Variants in DACT3 observed in about 807,000 individuals in gnomAD.
DACT3 encodes dishevelled binding antagonist of beta catenin 3, also known as dapper homolog 3.
DACT3 carries 5 observed loss-of-function variants against 19.6 expected under a neutral mutation model. The ratio of observed to expected loss-of-function variants is 0.26; its 90% CI spans 0.13 to 0.54. DACT3 has a LOEUF of 0.54. DACT3 is among the 20% of genes least tolerant of loss of function. The probability of loss-of-function intolerance (pLI) is 0.95; values close to 1 mark genes in which losing one functional copy is unlikely to be tolerated. For synonymous variants in DACT3, 454 were observed against 428.1 expected, an observed-to-expected ratio of 1.06 and a Z score of -0.75; for missense variants, 908 against 927.4, an observed-to-expected ratio of 0.98 and a Z score of 0.27.
At chr19:46,659,420 C>G in intron 1 of DACT3, 1 of 984,892 alleles carries the variant, frequency 1.0e-6, no homozygotes, top group Non-Finnish European at 1.2e-6. Context: ...CACAGCTACC[C>G]CAACCTCATG....
rs1186351147 is a variant in DACT3 at position 46,649,234 on chromosome 19, G to T, written c.1138C>A (p.Pro380Thr). 1.2e-5 allele frequency: 14 copies of T among 1,199,642 alleles called. No homozygotes were observed. The highest frequency in any genetic ancestry group is 1.3e-5 in the Non-Finnish European group (13 of 969,932). The allele number at this position is 1,199,642 out of a possible 1,614,324, so 74.3% of individuals were successfully genotyped here. Residue 380 changes from proline to threonine, a missense_variant, in exon 4 of 4, where the codon CCG (proline) becomes ACG (threonine). By Grantham distance (38) the Pro-to-Thr change is conservative. Transcript: ENST00000391916. ...LPGRAARRKP[P>T]PLTRGRSVEQ... ...ACGCTGCGGCCGCGGGTCAGTGGCG[G>T]CGGTTTGCGGCGGGCGGCGCGGCCA...
At chr19:46,658,365 C>G (rs946585102) in intron 1 of DACT3, among the ~76,000 whole-genome samples, 1 of 152,112 alleles carries the variant, frequency 6.6e-6, no homozygotes, top group Non-Finnish European at 1.5e-5. Context: ...TGCACTTCAG[C>G]CTGAGAGACT....
At chr19:46,654,794 A>G (rs1388094202) in intron 1 of DACT3, 4 of 985,592 alleles carry the variant, frequency 4.1e-6, no homozygotes, top group Non-Finnish European at 4.8e-6. Flanking sequence ...TAGGGCAGAA[A>G]GACTGGCCGG....
chr19:46,659,505 G>A, intron 1 of DACT3: 1 of 983,262 alleles, frequency 1.0e-6, no homozygotes, highest in Non-Finnish European at 1.2e-6. Flanking sequence ...GCTAGCGAAG[G>A]CCCCCACAAT....
Position 46,649,123 on chromosome 19 carries a change from T to C in DACT3, c.1249A>G (p.Arg417Gly), listed in dbSNP as rs1452933377. 32 of 1,278,548 alleles carry C rather than the reference T, an allele frequency of 2.5e-5. No homozygotes were observed. The highest frequency in any genetic ancestry group is 3.2e-5 in the Non-Finnish European group (32 of 1,014,556). 79.2% of individuals were successfully genotyped at this position (1,278,548 alleles called of 1,614,324 possible). Residue 417 changes from arginine to glycine, a missense_variant, in exon 4 of 4, where the codon AGG (arginine) becomes GGG (glycine). Physicochemically the swap from Arg to Gly is moderately radical, Grantham distance 125 (BLOSUM62 -2). Coordinates refer to ENST00000391916, the MANE Select transcript of DACT3 (RefSeq NM_145056.3). ...TGGGAGCGCGAGGCCTTGCGGGCCC[T>C]GGGCGAGCCGCGGCGGCCCGAAGCC... The part of the protein sequence containing the change: ...AEASGRRGSP[R>G]ARKASRSQSE...
At position 46,648,592 on chromosome 19, in the gene DACT3, C is replaced by A; in HGVS notation, c.1780G>T (p.Ala594Ser). The change falls in exon 4 of 4, where the codon GCG becomes TCG. Residue 594 changes from alanine (A) to serine (S), a missense_variant. Physicochemically the swap from Ala to Ser is moderately conservative, Grantham distance 99. Coordinates refer to ENST00000391916, the MANE Select transcript of DACT3 (RefSeq NM_145056.3). The surrounding 1 kb of genome is among the most constrained non-coding windows in gnomAD (Gnocchi z 5.1). ...AAGACTTTGGCGGGGCCTGCGGGCG[C>A]CCCTGCACCTGCTCCACCCCCAGAG... is the stretch of plus-strand genomic sequence containing the variant. The part of the protein sequence containing the change: ...AASGGGAGAG[A>S]PAGPAKVFVK... 2 of 1,613,554 alleles carry A rather than the reference C, an allele frequency of 1.2e-6. No homozygotes were observed. The highest frequency in any genetic ancestry group is 1.7e-6 in the Non-Finnish European group (2 of 1,179,768).
At position 46,648,331 on chromosome 19, in the gene DACT3, T is replaced by C; in HGVS notation, c.*151A>G. 1 of 1,359,264 alleles carries C rather than the reference T, an allele frequency of 7.4e-7. No homozygotes were observed. The highest frequency in any genetic ancestry group is 1.0e-6 in the Non-Finnish European group (1 of 997,328). 84.2% of individuals were successfully genotyped at this position (1,359,264 alleles called of 1,614,324 possible). A position where few individuals can be genotyped will look rare whatever the true frequency, so the allele number is the denominator to read the frequency against. On this transcript the variant is annotated 3_prime_UTR_variant, in exon 4 of 4. Transcript: ENST00000391916. This position sits in a 1 kb window ranked among gnomAD's most constrained non-coding sequence, Gnocchi z 5.1. ...TCTCGGTGGTGGTGGGGGAGCCTTT[T>C]CAACCAAGACTGTTAGGAGTGGGGA... is the stretch of plus-strand genomic sequence containing the variant.
In DACT3 at chr19:46,649,134, C is replaced by T. The variant is rs928242049; in HGVS notation, c.1238G>A (p.Arg413His). The change falls in exon 4 of 4, where the codon CGC becomes CAC. Residue 413 changes from arginine (R) to histidine (H), a missense_variant. Arg to His is a conservative substitution (Grantham distance 29). Transcript: ENST00000391916. ...RGRMAEASGR[R>H]GSPRARKASR... ...GGCCTTGCGGGCCCTGGGCGAGCCG[C>T]GGCGGCCCGAAGCCTCGGCCATGCG... The T allele has an allele frequency of 8.7e-6, 11 of 1,267,452 alleles. No individual in the cohort carries two copies. In the African/African-American group the frequency reaches 1.3e-4, roughly 15 times the overall value. 78.5% of individuals were successfully genotyped at this position (1,267,452 alleles called of 1,614,324 possible).
intron 3 of DACT3, 26 bp downstream of exon 3, chr19:46,652,634 C>T (rs772732694): frequency 6.5e-6 from 10 of 1,548,050 alleles, no homozygotes; most frequent in African/African-American, 1.4e-5. Context: ...TCCCTGGCCC[C>T]AGGGCCCCAC....
rs1332922927 is a variant in DACT3, at chr19:46,660,983, A to G, written c.82T>C (p.Cys28Arg). 6.5e-7 allele frequency: 1 copy of G among 1,539,314 alleles called. No homozygotes were observed. Among genetic ancestry groups the G allele is most frequent in the Non-Finnish European group, 8.7e-7 (1 of 1,145,662 alleles). The change falls in exon 1 of 4, where the codon TGC becomes CGC. Residue 28 changes from cysteine (C) to arginine (R), a missense_variant. Transcript: ENST00000391916. This position sits in a 1 kb window ranked among gnomAD's most constrained non-coding sequence, Gnocchi z 4.9. ...GWLEGSLAGL[C>R]ELHWLRERQE... ...CTCTCCCGGAGCCAATGTAACTCGCAGAGCCCGGCCAGGCTACCCTCCAGC... is the reference window on the plus strand; with the variant it reads ...CTCTCCCGGAGCCAATGTAACTCGCGGAGCCCGGCCAGGCTACCCTCCAGC...
rs1262110664 is a variant in DACT3, at chr19:46,655,842, C to T, written c.250-2767G>A. 2.7e-5 allele frequency among the ~76,000 whole-genome samples: 4 copies of T among 150,548 alleles called. No homozygotes were observed. The South Asian group carries it at 6.3e-4, about 24-fold the overall frequency. ...TCCCAGCACTCTGGAAGTGCCAAGG[C>T]GGGAGGATCGCTGGAGGCCGAGAGT... On this transcript the variant is annotated intron_variant, in intron 1 of 3. Transcript: ENST00000391916.
Position 46,661,156 on chromosome 19 carries a change from G to A in DACT3, c.-92C>T. 3.2e-6 allele frequency: 4 copies of A among 1,250,096 alleles called. No individual in the cohort carries two copies. The highest frequency in any genetic ancestry group is 4.1e-6 in the Non-Finnish European group (4 of 983,070). 77.4% of individuals were successfully genotyped at this position (1,250,096 alleles called of 1,614,324 possible). A position where few individuals can be genotyped will look rare whatever the true frequency, so the allele number is the denominator to read the frequency against. ...GCCCCAGCAGCCTGCCCGCCCGCCC[G>A]CTGGCCGGGCTGTCACCGTCTCATC... On this transcript the variant is annotated 5_prime_UTR_variant, in exon 1 of 4. Coordinates refer to ENST00000391916, the MANE Select transcript of DACT3 (RefSeq NM_145056.3).
intron 2 of DACT3, 60 bp from the exon 3 acceptor site, chr19:46,652,872 G>A: frequency 6.5e-7 from 1 of 1,540,154 alleles, no homozygotes; most frequent in Non-Finnish European, 8.8e-7. Flanking sequence ...ACCAGAGCTG[G>A]GGAAAGGAGG....
rs1252040150 is a variant in DACT3 at position 46,649,584 on chromosome 19, C to G, written c.788G>C (p.Arg263Pro). The change falls in exon 4 of 4, where the codon CGG becomes CCG. Residue 263 changes from arginine to proline, a missense_variant. Transcript: ENST00000391916. ...ACTGGTCCGGGGCTGGCCCGCCCCC[C>G]GGCGGCGGCGCCTGCGCAGGAGCGC... ...ISALLRRRRR[R>P]GAGQPRTSPG... 81 of 1,092,540 alleles carry G rather than the reference C, an allele frequency of 7.4e-5. No individual in the cohort carries two copies. The highest frequency in any genetic ancestry group is 8.7e-5 in the Non-Finnish European group (78 of 896,154). 67.7% of individuals were successfully genotyped at this position (1,092,540 alleles called of 1,614,324 possible). A position where few individuals can be genotyped will look rare whatever the true frequency, so the allele number is the denominator to read the frequency against.
chr19:46,654,563 T>G lies in DACT3; in HGVS notation c.250-1488A>C, dbSNP rs954963002. ...CTTCTTGCTGCAGGAAAAGAGCACTTCTCACGGATGGGGTCTCCAAGACAT... is the reference window on the plus strand; with the variant it reads ...CTTCTTGCTGCAGGAAAAGAGCACTGCTCACGGATGGGGTCTCCAAGACAT... On this transcript the variant is annotated intron_variant, in intron 1 of 3. Coordinates refer to ENST00000391916, the MANE Select transcript of DACT3 (RefSeq NM_145056.3). 4.1e-6 allele frequency: 4 copies of G among 985,092 alleles called. No homozygotes were observed. In the Admixed American group the frequency reaches 2.5e-4, roughly 61 times the overall value. The allele number at this position is 985,092 out of a possible 1,614,324, so 61.0% of individuals were successfully genotyped here.
chr19:46,659,377 A>T, intron 1 of DACT3: 2 of 967,046 alleles, frequency 2.1e-6, no homozygotes, highest in Non-Finnish European at 2.5e-6. Flanking sequence ...AAGGGGAGAG[A>T]CCGAGGGCAG....
rs980735397 is a variant in DACT3, at chr19:46,655,925, C to CTCTCTCTCTATATATA, written c.250-2851_250-2850insTATATATAGAGAGAGA. 4.3e-5 allele frequency among the ~76,000 whole-genome samples: 6 copies of CTCTCTCTCTATATATA among 137,936 alleles called. No homozygotes were observed. In the East Asian group the frequency reaches 1.0e-3, roughly 24 times the overall value. 90.5% of individuals were successfully genotyped at this position (137,936 alleles called of 152,430 possible). On this transcript the variant is annotated intron_variant, in intron 1 of 3. Transcript: ENST00000391916. Reference sequence around the variant, plus strand: ...AGTCTCTCTCTCTCTCTCTCTCTCTCTATATATATATATATATATATACAC... The same window carrying CTCTCTCTCTATATATA: ...AGTCTCTCTCTCTCTCTCTCTCTCTCTCTCTCTCTATATATATATATATATATATATATATATACAC...
Position 46,648,666 on chromosome 19 carries a change from C to T in DACT3, c.1706G>A (p.Gly569Asp). 1 of 1,612,216 alleles carries T rather than the reference C, an allele frequency of 6.2e-7. No individual in the cohort carries two copies. Among genetic ancestry groups the T allele is most frequent in the Middle Eastern group, 1.7e-4 (1 of 6,046 alleles). The change falls in exon 4 of 4, where the codon GGC (glycine) becomes GAC (aspartate). Residue 569 changes from glycine to aspartate, a missense_variant. Gly to Asp is a moderately conservative substitution (Grantham distance 94, BLOSUM62 -1). This residue lies in a region of DACT3 where 656 missense variants were observed against 601.8 expected (regional missense o/e 1.09). Coordinates refer to ENST00000391916, the MANE Select transcript of DACT3 (RefSeq NM_145056.3). The surrounding 1 kb of genome is among the most constrained non-coding windows in gnomAD (Gnocchi z 5.1). ...CTGCGGCCACACGAGGCCACCGCTGCCGTCTGAGTCGCTGGAGGCAGAGCT... is the reference window on the plus strand; with the variant it reads ...CTGCGGCCACACGAGGCCACCGCTGTCGTCTGAGTCGCTGGAGGCAGAGCT... ...AFSSASSDSD[G>D]SGGLVWPQQL...
intron 1 of DACT3, among the ~76,000 whole-genome samples, chr19:46,656,924 T>C (rs988520585): frequency 6.6e-6 from 1 of 152,172 alleles, no homozygotes; most frequent in Non-Finnish European, 1.5e-5. Flanking sequence ...ACAAGTTCCA[T>C]GTCATGTGGT....
Sources: allele counts gnomAD v4.1 joint callset (sites outside exome capture counted in the v4.1 genomes callset), GRCh38; gene constraint gnomAD v4.1.1; regional missense constraint gnomAD v4.1.1; non-coding constraint Gnocchi (gnomAD v3.1); transcripts MANE v1.5; gene names NCBI Gene and HGNC (gene_info 2026-07-23, HGNC 2026-07-21).